LAMA1: variants seen among roughly 807,000 people sequenced by gnomAD.
LAMA1 encodes the protein laminin subunit alpha 1.
Under a neutral mutation model 348.7 loss-of-function variants are expected in LAMA1, and 219 were observed. The observed-to-expected ratio is 0.63, with a 90% CI of 0.56 to 0.70. The LOEUF is 0.70. LAMA1 is among the 30% of genes least tolerant of loss of function. The probability of loss-of-function intolerance (pLI) is 0.00; values close to 1 mark genes in which losing one functional copy is unlikely to be tolerated. For synonymous variants in LAMA1, 1,487 were observed against 1,491.0 expected, an observed-to-expected ratio of 1.00 and a Z score of 0.06; for missense variants, 3,744 against 3,888.0, an observed-to-expected ratio of 0.96 and a Z score of 0.99.
At chr18:6,972,950 C>A in intron 47 of LAMA1, 107 bp downstream of exon 47, 1 of 1,333,234 alleles carries the variant, frequency 7.5e-7, no homozygotes, top group Non-Finnish European at 1.1e-6. Flanking sequence ...CTTGGCCTCC[C>A]AAAGTTCTGG....
chr18:6,961,532 G>A, intron 53 of LAMA1, 54 bp downstream of exon 53: 1 of 1,602,406 alleles, frequency 6.2e-7, no homozygotes, highest in South Asian at 1.1e-5. Context: ...TCCACTCATT[G>A]TTTCCCGAAG....
chr18:7,101,608 G>A (rs868576873), intron 1 of LAMA1, among the ~76,000 whole-genome samples: 8 of 152,154 alleles, frequency 5.3e-5, no homozygotes, highest in African/African-American at 1.9e-4. Flanking sequence ...ACCAATCCTC[G>A]TGTACCTCCA....
At chr18:6,990,951 G>C (rs1423828448) in intron 36 of LAMA1, among the ~76,000 whole-genome samples, 1 of 152,002 alleles carries the variant, frequency 6.6e-6, no homozygotes, top group African/African-American at 2.4e-5. Context: ...TCCCCTACTT[G>C]GAAAGACTGA....
intron 29 of LAMA1, among the ~76,000 whole-genome samples, chr18:7,006,845 CTA>C (rs1174449046): frequency 3.9e-5 from 6 of 152,134 alleles, no homozygotes; most frequent in Non-Finnish European, 7.3e-5. Flanking sequence ...GACCACTGTC[CTA>C]TATGTGATCT....
At chr18:7,038,671 GAC>G (rs2058006898) in intron 11 of LAMA1, 137 bp downstream of exon 11, 1 of 1,172,766 alleles carries the variant, frequency 8.5e-7, no homozygotes, top group Non-Finnish European at 1.3e-6. Context: ...GGCTGCCTTT[GAC>G]CCACGTCAGT....
At chr18:6,960,754 A>T (rs2057603271) in intron 53 of LAMA1, 1 of 151,566 alleles carries the variant, frequency 6.6e-6, no homozygotes, top group Non-Finnish European at 1.5e-5. Flanking sequence ...ATGTCGTGAC[A>T]TGTTTGGGTT....
intron 1 of LAMA1, among the ~76,000 whole-genome samples, chr18:7,094,713 G>T (rs2058253678): frequency 1.3e-5 from 2 of 152,244 alleles, no homozygotes; most frequent in South Asian, 2.1e-4. Flanking sequence ...AACTTCAAGG[G>T]TTCCAAAACT....
At chr18:6,982,354 T>C (rs2057715569) in intron 41 of LAMA1, 143 bp downstream of exon 41, 4 of 796,864 alleles carry the variant, frequency 5.0e-6, no homozygotes, top group Non-Finnish European at 6.7e-6. Context: ...GGAAAATTTA[T>C]ATGATAGGAA....
At chr18:7,104,135 C>T (rs914187227) in intron 1 of LAMA1, among the ~76,000 whole-genome samples, 5 of 148,086 alleles carry the variant, frequency 3.4e-5, no homozygotes, top group African/African-American at 5.3e-5. Flanking sequence ...ACCGCCACCA[C>T]GCTTGGCTGA....
intron 1 of LAMA1, among the ~76,000 whole-genome samples, chr18:7,096,221 G>A (rs1443318667): frequency 6.6e-6 from 1 of 152,316 alleles, no homozygotes; most frequent in Admixed American, 6.5e-5. Flanking sequence ...CATTCCAGAG[G>A]CACCCTGCTC....
At chr18:7,074,965 GGC>G in intron 3 of LAMA1, among the ~76,000 whole-genome samples, 1 of 31,580 alleles carries the variant, frequency 3.2e-5, no homozygotes, top group African/African-American at 1.4e-4. Flanking sequence ...AATACATAGA[GGC>G]AAAAAAAAAA....
At chr18:7,053,551 CT>C (rs2058070080) in intron 3 of LAMA1, among the ~76,000 whole-genome samples, 1 of 151,556 alleles carries the variant, frequency 6.6e-6, no homozygotes, top group African/African-American at 2.4e-5. Context: ...AGGAAACAAA[CT>C]GGGGGGAAAA....
chr18:7,028,182 C>T (rs751742944), intron 16 of LAMA1, among the ~76,000 whole-genome samples: 12 of 152,108 alleles, frequency 7.9e-5, no homozygotes, highest in Non-Finnish European at 1.0e-4. Context: ...ACAAAAGATC[C>T]CAGCCTCTAT....
chr18:7,106,188 C>A (rs1250065210), intron 1 of LAMA1, among the ~76,000 whole-genome samples: 1 of 152,140 alleles, frequency 6.6e-6, no homozygotes, highest in African/African-American at 2.4e-5. Context: ...AGTCTGTGGG[C>A]TGCGGTGGGC....
intron 1 of LAMA1, among the ~76,000 whole-genome samples, chr18:7,086,632 G>A (rs970387467): frequency 6.6e-6 from 1 of 151,994 alleles, no homozygotes; most frequent in Non-Finnish European, 1.5e-5. Context: ...AAACAAAAAC[G>A]GCCCTAGGAC....
chr18:6,985,411 A>G lies in LAMA1; in HGVS notation c.5497-11T>C. The G allele has an allele frequency of 1.2e-6, 2 of 1,614,110 alleles. No homozygotes were observed. The highest frequency in any genetic ancestry group is 4.5e-5 in the East Asian group (2 of 44,882). ...GTGATCCTCTAAGTGCTACATGGAG[A>G]AATTAATATTGTAAATATATGCACA... On this transcript the variant is annotated splice_polypyrimidine_tract_variant and intron_variant, in intron 38 of 62. Transcript: ENST00000389658.
At chr18:6,954,772 C>T (rs371546629) in intron 57 of LAMA1, 9 of 182,734 alleles carry the variant, frequency 4.9e-5, no homozygotes, top group South Asian at 1.2e-4. Flanking sequence ...GACAACAAGA[C>T]GGGCAGGGCA....
chr18:7,103,688 G>A (rs1336111398), intron 1 of LAMA1, among the ~76,000 whole-genome samples: 1 of 151,594 alleles, frequency 6.6e-6, no homozygotes, highest in Non-Finnish European at 1.5e-5. Context: ...GCATGGTGGT[G>A]GGTGCCTGTA....
rs993295993 is a variant in LAMA1, at chr18:7,008,619, A to G, written c.4002-11T>C. The G allele has an allele frequency of 2.5e-6, 4 of 1,613,788 alleles. No homozygotes were observed. The Admixed American group carries it at 5.0e-5, about 20-fold the overall frequency. ...GAAATGTCTGAGATTCTGTGCAGCC[A>G]TCATGTTAAGAGAGGAAACGCTAAC... On this transcript the variant is annotated splice_polypyrimidine_tract_variant and intron_variant, in intron 27 of 62. Transcript: ENST00000389658.
Sources: gnomAD v4.1 joint callset for allele counts (sites outside exome capture counted in the v4.1 genomes callset) on GRCh38, gnomAD v4.1.1 for gene constraint, MANE v1.5 for transcripts, NCBI Gene and HGNC (gene_info 2026-07-23, HGNC 2026-07-21) for gene names.